The following SERPINB12 variants were observed in gnomAD, a reference collection of about 807,000 sequenced individuals.
SERPINB12 encodes serpin B12.
SERPINB12 carries 57 observed loss-of-function variants against 41.1 expected under a neutral mutation model. The ratio of observed to expected loss-of-function variants is 1.39; its 90% CI spans 1.12 to 1.73. The LOEUF (loss-of-function observed/expected upper bound fraction) is 1.73, where lower values mean the gene tolerates loss of function less well. Among genes scored for constraint, SERPINB12 ranks in the 40% most tolerant of loss-of-function variants. SERPINB12 has a pLI of 0.00. For missense variants in SERPINB12, 536 were observed against 501.9 expected (o/e 1.07, Z -0.65); for synonymous variants, 180 against 181.3 (o/e 0.99, Z 0.06).
intron 1 of SERPINB12, among the ~76,000 whole-genome samples, chr18:63,550,393 C>A (rs1047485504): frequency 6.6e-6 from 1 of 152,144 alleles, no homozygotes; most frequent in Admixed American, 6.6e-5. Flanking sequence ...TGAAAAATTT[C>A]TCTTCAATTT....
intron 5 of SERPINB12, among the ~76,000 whole-genome samples, chr18:63,562,484 C>T (rs1910945473): frequency 6.6e-6 from 1 of 152,198 alleles, no homozygotes; most frequent in African/African-American, 2.4e-5. Flanking sequence ...TTATTTTAGG[C>T]TGTCCTTGGT....
the SERPINB12 span, among the ~76,000 whole-genome samples, chr18:63,523,808 A>G: frequency 6.6e-6 from 1 of 152,216 alleles, no homozygotes; most frequent in Non-Finnish European, 1.5e-5. Flanking sequence ...GAGAATTACC[A>G]TCCCAGCCAA....
intron 3 of SERPINB12, among the ~76,000 whole-genome samples, chr18:63,558,934 T>TTTA (rs1910772134): frequency 6.6e-6 from 1 of 152,132 alleles, no homozygotes; most frequent in South Asian, 2.1e-4. Flanking sequence ...TTATCCAGGG[T>TTTA]ATGCATCCCC....
chr18:63,557,985 G>C (rs1910734337), intron 2 of SERPINB12, among the ~76,000 whole-genome samples: 1 of 152,126 alleles, frequency 6.6e-6, no homozygotes, highest in Non-Finnish European at 1.5e-5. Flanking sequence ...GAATTTTAAT[G>C]AGCTATTTTA....
chr18:63,567,858 C>T lies in SERPINB12; in HGVS notation c.*847C>T, dbSNP rs113691982. On this transcript the variant is annotated 3_prime_UTR_variant, in exon 8 of 8. Coordinates refer to ENST00000382768, the MANE Select transcript of SERPINB12 (RefSeq NM_001307928.2). Reference sequence around the variant, plus strand: ...GCACAGGCAGGTGTCAAGAGAAGTGCTGCTGGCATTGTGGACGGCTGGCCT... The same window carrying T: ...GCACAGGCAGGTGTCAAGAGAAGTGTTGCTGGCATTGTGGACGGCTGGCCT... Among the ~76,000 whole-genome samples, 3,999 of 152,350 alleles carry T rather than the reference C, an allele frequency of 0.026. 88 individuals carry two copies. The highest frequency in any genetic ancestry group is 0.055 in the Middle Eastern group (16 of 292).
the SERPINB12 span, among the ~76,000 whole-genome samples, chr18:63,520,933 C>T: frequency 6.6e-6 from 1 of 152,184 alleles, no homozygotes. Flanking sequence ...AGTAAACTAA[C>T]TGTGTGTATT....
chr18:63,566,969 A>G lies in SERPINB12; in HGVS notation c.1236A>G (p.Lys412=), dbSNP rs1203593725. The change falls in exon 8 of 8, where the codon AAA becomes AAG. Residue 412 remains lysine, a synonymous_variant. Coordinates refer to ENST00000382768, the MANE Select transcript of SERPINB12 (RefSeq NM_001307928.2). The stretch of plus-strand genomic sequence containing the variant: ...TTCTCTTTTTCATTAGACACAACAA[A>G]ACCCAAACCATTCTCTTTTATGGCA... ...HPFLFFIRHN[K]TQTILFYGRV... The G allele has an allele frequency of 6.2e-7, 1 of 1,610,042 alleles. No individual in the cohort carries two copies. The highest frequency in any genetic ancestry group is 2.2e-5 in the East Asian group (1 of 44,876).
intron 1 of SERPINB12, among the ~76,000 whole-genome samples, chr18:63,549,112 A>C (rs1910459273): frequency 6.6e-6 from 1 of 152,190 alleles, no homozygotes; most frequent in Non-Finnish European, 1.5e-5. Flanking sequence ...AGACAGTATT[A>C]GGATAAACAC....
At chr18:63,533,996 T>C in the SERPINB12 span, among the ~76,000 whole-genome samples, 3 of 152,226 alleles carry the variant, frequency 2.0e-5, no homozygotes, top group Non-Finnish European at 2.9e-5. Context: ...TGAGGTAGTT[T>C]TGGGATGCAC....
intron 5 of SERPINB12, among the ~76,000 whole-genome samples, chr18:63,562,680 C>A (rs1910952662): frequency 6.6e-6 from 1 of 152,268 alleles, no homozygotes; most frequent in Middle Eastern, 3.4e-3. Context: ...TCTTTCAAGG[C>A]TCTACTCAGC....
the SERPINB12 span, among the ~76,000 whole-genome samples, chr18:63,527,067 C>T: frequency 1.3e-5 from 2 of 152,104 alleles, no homozygotes; most frequent in Admixed American, 6.6e-5. Context: ...TGTATGTGGT[C>T]GGTTGTTGAC....
At chr18:63,526,329 A>G in the SERPINB12 span, among the ~76,000 whole-genome samples, 1 of 152,000 alleles carries the variant, frequency 6.6e-6, no homozygotes, top group South Asian at 2.1e-4. Flanking sequence ...ATTTTTAGAG[A>G]TGGAGTCTTG....
chr18:63,522,595 G>A, the SERPINB12 span, among the ~76,000 whole-genome samples: 1 of 152,022 alleles, frequency 6.6e-6, no homozygotes, highest in African/African-American at 2.4e-5. Flanking sequence ...TTAATTTTTT[G>A]TTTTGCTTGA....
At chr18:63,538,356 C>A (rs182059259), upstream of SERPINB12, among the ~76,000 whole-genome samples, 9 of 152,218 alleles carry the variant, frequency 5.9e-5, no homozygotes, top group Admixed American at 5.9e-4. Flanking sequence ...ATTACCCTTC[C>A]CTCTAATCCT....
intron 4 of SERPINB12, among the ~76,000 whole-genome samples, chr18:63,559,949 G>T (rs2144341651): frequency 6.6e-6 from 1 of 152,194 alleles, no homozygotes; most frequent in East Asian, 1.9e-4. Context: ...GAATAGAGTG[G>T]GTGGGAAAAG....
intron 6 of SERPINB12, among the ~76,000 whole-genome samples, chr18:63,564,656 T>G (rs538177780): frequency 1.4e-4 from 21 of 152,302 alleles, no homozygotes; most frequent in Non-Finnish European, 2.8e-4. Flanking sequence ...GGTTGTGCTG[T>G]CCCTCTGAAG....
chr18:63,536,501 C>T, the SERPINB12 span, among the ~76,000 whole-genome samples: 1 of 152,022 alleles, frequency 6.6e-6, no homozygotes, highest in African/African-American at 2.4e-5. Flanking sequence ...CCACTTTTTG[C>T]CATTTTTGGC....
the SERPINB12 span, among the ~76,000 whole-genome samples, chr18:63,531,624 A>C: frequency 6.6e-6 from 1 of 152,320 alleles, no homozygotes; most frequent in Middle Eastern, 3.4e-3. Flanking sequence ...ATAAACTAAT[A>C]AAATACTCAG....
the SERPINB12 span, among the ~76,000 whole-genome samples, chr18:63,529,921 A>G: frequency 6.6e-6 from 1 of 151,558 alleles, no homozygotes; most frequent in Non-Finnish European, 1.5e-5. Flanking sequence ...TTTTTCAGAA[A>G]CTCCTTCCCA....
Sources: gnomAD v4.1 joint callset for allele counts (sites outside exome capture counted in the v4.1 genomes callset) on GRCh38, gnomAD v4.1.1 for gene constraint, MANE v1.5 for transcripts, NCBI Gene and HGNC (gene_info 2026-07-23, HGNC 2026-07-21) for gene names.